The following URB1 variants were observed in gnomAD, a reference collection of about 807,000 sequenced individuals.
URB1 encodes URB1 ribosome biogenesis factor, also known as nucleolar pre-ribosomal-associated protein 1.
Under a neutral mutation model 242.3 loss-of-function variants are expected in URB1, and 197 were observed. That is an observed-to-expected ratio of 0.81 (90% confidence interval 0.72 to 0.91). URB1 has a LOEUF of 0.91. URB1 is among the 40% of genes least tolerant of loss of function. URB1 has a pLI of 0.00. For missense variants in URB1, 2,721 were observed against 2,860.5 expected (o/e 0.95, Z 1.11); for synonymous variants, 1,153 against 1,201.8 (o/e 0.96, Z 0.84).
intron 4 of URB1, 66 bp downstream of exon 4, chr21:32,383,356 A>AAAACCACTACAGTCCT: frequency 2.7e-6 from 4 of 1,486,182 alleles, no homozygotes; most frequent in Non-Finnish European, 3.6e-6. Flanking sequence ...GAATGGAGGA[A>AAAACCACTACAGTCCT]AAACCACTAC....
At position 32,354,859 on chromosome 21, in the gene URB1, C is replaced by T. The variant is rs1436899014; in HGVS notation, c.2245G>A (p.Asp749Asn). 5.8e-6 allele frequency: 9 copies of T among 1,552,040 alleles called. No homozygotes were observed. Among genetic ancestry groups the T allele is most frequent in the South Asian group, 2.4e-5 (2 of 84,034 alleles). ...DMSIPISHIDDVLDMVDVLVE... is the reference protein window; with the variant it reads ...DMSIPISHIDNVLDMVDVLVE... ...CAGCGCAGAACAGAATGGAACATAC[C>T]GTCAATGTGGGAGATGGGAATGCTC... Residue 749 changes from aspartate (D) to asparagine (N), a missense_variant and splice_region_variant, in exon 17 of 39, where the codon GAT (aspartate) becomes AAT (asparagine). Physicochemically the swap from Asp to Asn is conservative, Grantham distance 23. Transcript: ENST00000382751.
chr21:32,355,967 C>T (rs996576720), intron 15 of URB1, among the ~76,000 whole-genome samples: 28 of 152,218 alleles, frequency 1.8e-4, no homozygotes, highest in Admixed American at 1.2e-3. Flanking sequence ...CAGCACCACA[C>T]GCCCAAGGAG....
intron 5 of URB1, among the ~76,000 whole-genome samples, chr21:32,376,062 A>G (rs1484671073): frequency 6.6e-6 from 1 of 152,248 alleles, no homozygotes; most frequent in African/African-American, 2.4e-5. Context: ...GTAGGTCTTT[A>G]GTTCCATTTT....
intron 1 of URB1, among the ~76,000 whole-genome samples, chr21:32,386,857 G>A (rs771246433): frequency 2.6e-5 from 4 of 152,102 alleles, no homozygotes; most frequent in Non-Finnish European, 4.4e-5. Context: ...CTTAGGAGAG[G>A]TAGAGCCAGG....
chr21:32,345,211 A>G (rs1209912599), intron 23 of URB1, among the ~76,000 whole-genome samples, 163 bp downstream of exon 23: 3 of 152,072 alleles, frequency 2.0e-5, no homozygotes, highest in Non-Finnish European at 4.4e-5. Context: ...GGAGATGTAC[A>G]AGCTCCAGGC....
chr21:32,368,742 G>T, intron 8 of URB1, 144 bp from the exon 9 acceptor site: 2 of 712,696 alleles, frequency 2.8e-6, no homozygotes, highest in South Asian at 4.2e-5. Context: ...GACGTAAAGT[G>T]GGGGTTCCGT....
chr21:32,319,606 A>G (rs1198119678), intron 35 of URB1, among the ~76,000 whole-genome samples, 192 bp from the exon 36 acceptor site: 2 of 152,216 alleles, frequency 1.3e-5, no homozygotes, highest in Admixed American at 6.5e-5. Context: ...AGATTGCCCT[A>G]AGTCCCTCCA....
chr21:32,317,148 G>T, intron 37 of URB1, 83 bp from the exon 38 acceptor site: 2 of 1,439,188 alleles, frequency 1.4e-6, no homozygotes, highest in Non-Finnish European at 9.1e-7. Context: ...TGTCAATGGG[G>T]GACACGAGGG....
At chr21:32,364,155 C>T (rs2033319938) in intron 10 of URB1, among the ~76,000 whole-genome samples, 2 of 152,102 alleles carry the variant, frequency 1.3e-5, no homozygotes, top group South Asian at 4.2e-4. Context: ...GACTTCCAGT[C>T]AGAATGACAC....
intron 27 of URB1, 107 bp from the exon 28 acceptor site, chr21:32,337,264 T>C (rs1029088340): frequency 5.1e-6 from 7 of 1,363,410 alleles, no homozygotes; most frequent in Non-Finnish European, 6.1e-6. Context: ...CCGGTCCTCA[T>C]ATCTTCACCC....
At position 32,316,780 on chromosome 21, in the gene URB1, G is replaced by A. The variant is rs917914908; in HGVS notation, c.6320C>T (p.Ser2107Leu). Residue 2107 changes from serine to leucine, a missense_variant, in exon 38 of 39, where the codon TCG becomes TTG. Ser to Leu is a moderately radical substitution (Grantham distance 145). Coordinates refer to ENST00000382751, the MANE Select transcript of URB1 (RefSeq NM_014825.3). ...CCTGCTGAGCGGGTGCTCGGCCACC[G>A]ACCGCAGCACCCAACTGACTGCCAG... is the stretch of plus-strand genomic sequence containing the variant. ...ASLAVSWVLR[S>L]VAEHPLSRAE... 14 of 1,549,644 alleles carry A rather than the reference G, an allele frequency of 9.0e-6. No homozygotes were observed. Among genetic ancestry groups the A allele is most frequent in the Admixed American group, 5.9e-5 (3 of 50,940 alleles).
chr21:32,323,105 T>C (rs1436594437), intron 32 of URB1, among the ~76,000 whole-genome samples: 1 of 152,194 alleles, frequency 6.6e-6, no homozygotes, highest in Admixed American at 6.5e-5. Context: ...CCCATGACCA[T>C]GCTGCCCTGC....
chr21:32,384,541 A>G, intron 2 of URB1, 77 bp from the exon 3 acceptor site: 2 of 1,490,030 alleles, frequency 1.3e-6, no homozygotes, highest in Non-Finnish European at 1.8e-6. Flanking sequence ...CTTTTGTCTT[A>G]GCCATAGTTA....
At chr21:32,372,387 G>T in intron 8 of URB1, 120 bp downstream of exon 8, 1 of 1,319,994 alleles carries the variant, frequency 7.6e-7, no homozygotes, top group South Asian at 1.6e-5. Context: ...ACCCTGAAAC[G>T]AGTTAGATAA....
chr21:32,347,717 A>G lies in URB1; in HGVS notation c.3107T>C (p.Leu1036Pro). ...LEQQALPPHT[L>P]SPVLVKLLAT... is the part of the protein sequence containing the mutation. Reference sequence around the variant, plus strand: ...CAGGAGCTTCACGAGGACAGGGCTGAGCGTGTGCGGCGGGAGGGCCTGCTG... The same window carrying G: ...CAGGAGCTTCACGAGGACAGGGCTGGGCGTGTGCGGCGGGAGGGCCTGCTG... The change falls in exon 22 of 39, where the codon CTC becomes CCC. Residue 1036 changes from leucine (L) to proline (P), a missense_variant. Physicochemically the swap from Leu to Pro is moderately conservative, Grantham distance 98. Coordinates refer to ENST00000382751, the MANE Select transcript of URB1 (RefSeq NM_014825.3). The G allele has an allele frequency of 6.4e-7, 1 of 1,550,900 alleles. No homozygotes were observed. Among genetic ancestry groups the G allele is most frequent in the Non-Finnish European group, 8.7e-7 (1 of 1,146,988 alleles).
At chr21:32,389,110 G>A (rs183390680) in intron 1 of URB1, among the ~76,000 whole-genome samples, 32 of 152,348 alleles carry the variant, frequency 2.1e-4, no homozygotes, top group Non-Finnish European at 4.0e-4. Context: ...ACATGATCTA[G>A]ATTAGAGGGT....
At chr21:32,369,761 A>C (rs1358057396) in intron 8 of URB1, among the ~76,000 whole-genome samples, 1 of 152,158 alleles carries the variant, frequency 6.6e-6, no homozygotes, top group Non-Finnish European at 1.5e-5. Flanking sequence ...TTTCTAGCTT[A>C]TTTCAAATTC....
At chr21:32,342,458 C>G (rs1442572816) in intron 24 of URB1, among the ~76,000 whole-genome samples, 1 of 152,144 alleles carries the variant, frequency 6.6e-6, no homozygotes, top group East Asian at 1.9e-4. Context: ...ATATCTCACA[C>G]TCGTGACTTT....
Position 32,354,957 on chromosome 21 carries a change from T to C in URB1, c.2147A>G (p.Asp716Gly). 1 of 1,552,262 alleles carries C rather than the reference T, an allele frequency of 6.4e-7. No individual in the cohort carries two copies. The highest frequency in any genetic ancestry group is 8.7e-7 in the Non-Finnish European group (1 of 1,147,116). ...TTCTTGGACAAAGTCAGATGCTTTG[T>C]CTGTGTATGAATAGGGATTCGCCAC... ...TLVANPYSYT[D>G]KASDFVQEAS... is the part of the protein sequence containing the mutation. Residue 716 changes from aspartate (D) to glycine (G), a missense_variant, in exon 17 of 39, where the codon GAC becomes GGC. Physicochemically the swap from Asp to Gly is moderately conservative, Grantham distance 94. Transcript: ENST00000382751.
Sources: allele counts gnomAD v4.1 joint callset (sites outside exome capture counted in the v4.1 genomes callset), GRCh38; gene constraint gnomAD v4.1.1; transcripts MANE v1.5; gene names NCBI Gene and HGNC (gene_info 2026-07-23, HGNC 2026-07-21).